The following LRPPRC variants were observed in gnomAD, a reference collection of about 807,000 sequenced individuals.
The protein encoded by LRPPRC is leucine-rich PPR motif-containing protein, mitochondrial.
In LRPPRC, 120 loss-of-function variants were observed where a neutral mutation model predicts 180.3. That is an observed-to-expected ratio of 0.67 (90% confidence interval 0.57 to 0.77). The LOEUF is 0.77. Among genes scored for constraint, LRPPRC ranks in the 30% least tolerant of loss-of-function variants. The probability of loss-of-function intolerance (pLI) is 0.00; values close to 1 mark genes in which losing one functional copy is unlikely to be tolerated. For missense variants in LRPPRC, 2,012 were observed against 1,657.2 expected (o/e 1.21, Z -3.72); for synonymous variants, 723 against 600.0 (o/e 1.21, Z -3.00).
intron 23 of LRPPRC, among the ~76,000 whole-genome samples, chr2:43,937,601 T>C (rs1385262207): frequency 6.6e-6 from 1 of 152,200 alleles, no homozygotes; most frequent in Non-Finnish European, 1.5e-5. Flanking sequence ...TCCCAACTGA[T>C]AAGAGTACTT....
At chr2:43,930,207 G>T (rs1251102823) in intron 25 of LRPPRC, among the ~76,000 whole-genome samples, 1 of 151,418 alleles carries the variant, frequency 6.6e-6, no homozygotes, top group Admixed American at 6.6e-5. Flanking sequence ...CGGCTGCACC[G>T]TGATGGAAAG....
intron 25 of LRPPRC, among the ~76,000 whole-genome samples, chr2:43,926,709 A>T (rs1235675100): frequency 6.6e-6 from 1 of 152,192 alleles, no homozygotes; most frequent in Admixed American, 6.5e-5. Context: ...TTGAACACAC[A>T]CACATACACT....
intron 36 of LRPPRC, among the ~76,000 whole-genome samples, chr2:43,891,658 C>A (rs1324671159): frequency 1.3e-5 from 2 of 152,164 alleles, no homozygotes; most frequent in African/African-American, 2.4e-5. Flanking sequence ...TCTACTCAGG[C>A]CTCCCTATTC....
rs1673918352 is a variant in LRPPRC, at chr2:43,973,677, T to C, written c.1299A>G (p.Glu433=). ...AKALMKAVKE[E]GFPIRPHYFW... ...AATAGTGAGGTCTGATAGGAAAACC[T>C]TCCTCCTTCACAGCCTTCATTAAGG... is the stretch of plus-strand genomic sequence containing the variant. The change falls in exon 11 of 38, where the codon GAA becomes GAG. Residue 433 remains glutamate, a synonymous_variant. Transcript: ENST00000260665. 6.2e-7 allele frequency: 1 copy of C among 1,614,058 alleles called. No homozygotes were observed. The highest frequency in any genetic ancestry group is 8.5e-7 in the Non-Finnish European group (1 of 1,179,890).
At chr2:43,974,090 T>C in intron 9 of LRPPRC, 60 bp downstream of exon 9, 1 of 1,486,622 alleles carries the variant, frequency 6.7e-7, no homozygotes, top group Non-Finnish European at 9.4e-7. Flanking sequence ...TTCCTATACT[T>C]TAAAGAATCT....
intron 8 of LRPPRC, 27 bp downstream of exon 8, chr2:43,974,587 C>T: frequency 7.0e-7 from 1 of 1,423,838 alleles, no homozygotes. Context: ...TTATAAAAAT[C>T]ATGTAAATAG....
chr2:43,934,621 T>G, intron 24 of LRPPRC, 133 bp downstream of exon 24: 2 of 720,228 alleles, frequency 2.8e-6, no homozygotes, highest in South Asian at 4.0e-5. Context: ...TATTTTTCTT[T>G]TAGATTTCAC....
At chr2:43,914,778 T>C (rs192127766) in intron 29 of LRPPRC, among the ~76,000 whole-genome samples, 14 of 152,118 alleles carry the variant, frequency 9.2e-5, no homozygotes, top group African/African-American at 3.4e-4. Context: ...ATTAGATAAA[T>C]GAAAATTCCA....
chr2:43,930,784 T>C (rs1672060560), intron 25 of LRPPRC, among the ~76,000 whole-genome samples: 1 of 152,184 alleles, frequency 6.6e-6, no homozygotes. Flanking sequence ...TTATGGTTCC[T>C]GGTAGCAGAG....
At chr2:43,898,359 T>C (rs1670762453) in intron 34 of LRPPRC, among the ~76,000 whole-genome samples, 1 of 152,200 alleles carries the variant, frequency 6.6e-6, no homozygotes, top group African/African-American at 2.4e-5. Flanking sequence ...CTTTCACAGC[T>C]GGTAAAAATG....
chr2:43,916,616 A>G (rs1671476476), intron 29 of LRPPRC, among the ~76,000 whole-genome samples: 1 of 152,234 alleles, frequency 6.6e-6, no homozygotes, highest in Non-Finnish European at 1.5e-5. Context: ...GTATGCCAAC[A>G]ATAGCATTTA....
intron 23 of LRPPRC, among the ~76,000 whole-genome samples, chr2:43,941,947 T>C (rs1287905640): frequency 1.3e-5 from 2 of 151,474 alleles, no homozygotes; most frequent in Non-Finnish European, 2.9e-5. Context: ...GAAAAGACAC[T>C]AATTTAGATT....
intron 14 of LRPPRC, among the ~76,000 whole-genome samples, chr2:43,955,089 T>A (rs1174231046): frequency 6.6e-6 from 1 of 152,148 alleles, no homozygotes; most frequent in Admixed American, 6.5e-5. Context: ...CATTAAATTA[T>A]AGTCATAATT....
intron 25 of LRPPRC, among the ~76,000 whole-genome samples, chr2:43,927,556 A>T (rs1227491092): frequency 6.6e-6 from 1 of 152,158 alleles, no homozygotes; most frequent in Non-Finnish European, 1.5e-5. Context: ...TCACACGCAT[A>T]ATACTGAAAA....
At position 43,974,222 on chromosome 2, in the gene LRPPRC, G is replaced by C; in HGVS notation, c.1083C>G (p.Cys361Trp). ...EDVALQILLA[C>W]PVSKEDGPSV... ...TTGGGCCATCTTCCTTTGATACGGG[G>C]CATGCTAGTAAAATTTGCAACGCTA... Residue 361 changes from cysteine (C) to tryptophan (W), a missense_variant, in exon 9 of 38, where the codon TGC becomes TGG. Transcript: ENST00000260665. The C allele has an allele frequency of 6.2e-7, 1 of 1,609,786 alleles. No homozygotes were observed. Among genetic ancestry groups the C allele is most frequent in the South Asian group, 1.1e-5 (1 of 90,978 alleles).
At chr2:43,899,971 G>A (rs1288096462) in intron 32 of LRPPRC, among the ~76,000 whole-genome samples, 1 of 151,986 alleles carries the variant, frequency 6.6e-6, no homozygotes, top group Non-Finnish European at 1.5e-5. Context: ...CCACTCTTTG[G>A]ATATAAAATG....
rs757388941 is a variant in LRPPRC at position 43,976,239 on chromosome 2, A to T, written c.651-10T>A. ...AAATCCAAGAATCTTGCTGCAAAGG[A>T]AAAACGAAGATACTCATTGAAAGTA... On this transcript the variant is annotated splice_polypyrimidine_tract_variant and intron_variant, in intron 5 of 37. Coordinates refer to ENST00000260665, the MANE Select transcript of LRPPRC (RefSeq NM_133259.4). 3.4e-6 allele frequency: 5 copies of T among 1,461,204 alleles called. No homozygotes were observed. The highest frequency in any genetic ancestry group is 3.5e-4 in the Middle Eastern group (2 of 5,782). The allele number at this position is 1,461,204 out of a possible 1,614,324, so 90.5% of individuals were successfully genotyped here.
chr2:43,988,681 G>A (rs1222805475), intron 1 of LRPPRC, among the ~76,000 whole-genome samples: 1 of 152,098 alleles, frequency 6.6e-6, no homozygotes, highest in Non-Finnish European at 1.5e-5. Flanking sequence ...TGGGACTACA[G>A]GCACCCGCCA....
At chr2:43,996,111 G>A (rs2103798895), upstream of LRPPRC, 1 of 588,970 alleles carries the variant, frequency 1.7e-6, no homozygotes. Context: ...GCACTTCTCC[G>A]AGGACAGAAG....
Sources: gnomAD v4.1 joint callset for allele counts (sites outside exome capture counted in the v4.1 genomes callset) on GRCh38, gnomAD v4.1.1 for gene constraint, MANE v1.5 for transcripts, NCBI Gene and HGNC (gene_info 2026-07-23, HGNC 2026-07-21) for gene names.